Variants in COG6 observed in about 807,000 individuals in gnomAD.
COG6 encodes conserved oligomeric Golgi complex subunit 6.
COG6 carries 74 observed loss-of-function variants against 88.8 expected under a neutral mutation model. The observed-to-expected ratio is 0.83, with a 90% confidence interval of 0.69 to 1.01. The LOEUF is 1.01. COG6 is among the 50% of genes least tolerant of loss of function. The pLI is 0.00. For missense variants in COG6, 800 were observed against 797.9 expected (o/e 1.00, Z -0.03); for synonymous variants, 286 against 278.7 (o/e 1.03, Z -0.26).
rs1880683778 is a variant in COG6, at chr13:39,752,293, T to C, written c.*1200T>C. On this transcript the variant is annotated 3_prime_UTR_variant, in exon 19 of 19. Transcript: ENST00000455146. The stretch of plus-strand genomic sequence containing the variant: ...TAAAACTAGTATTTGTAGAAGATTA[T>C]GTGTTGTATATAACAAATTAGTATT... 2 of 863,246 alleles carry C rather than the reference T, an allele frequency of 2.3e-6. No homozygotes were observed. Among genetic ancestry groups the C allele is most frequent in the Non-Finnish European group, 3.1e-6 (2 of 640,414 alleles). The allele number at this position is 863,246 out of a possible 1,614,324, so 53.5% of individuals were successfully genotyped here.
At position 39,687,575 on chromosome 13, in the gene COG6, AG is replaced by A. The variant is rs1566179913; in HGVS notation, c.866del (p.Gly289AlafsTer17). ...GTGGATTTATTGATGCGCTCACAAG[AG>A]GGGGCCCCGGAGGTACACCTAGACC... ...VRGFIDALTR[G>X]GPGGTPRPIE... On this transcript the variant is annotated frameshift_variant, in exon 9 of 19. Coordinates refer to ENST00000455146, the MANE Select transcript of COG6 (RefSeq NM_020751.3). LOFTEE classifies it high-confidence loss of function. 5.0e-6 allele frequency: 8 copies of A among 1,613,832 alleles called. No individual in the cohort carries two copies. Among genetic ancestry groups the A allele is most frequent in the Non-Finnish European group, 6.8e-6 (8 of 1,179,978 alleles).
At chr13:39,701,417 A>G (rs1420778199) in intron 13 of COG6, among the ~76,000 whole-genome samples, 3 of 151,912 alleles carry the variant, frequency 2.0e-5, no homozygotes, top group Non-Finnish European at 4.4e-5. Context: ...AGTTGAATTC[A>G]TGGGTTTGGA....
intron 11 of COG6, among the ~76,000 whole-genome samples, chr13:39,692,657 C>T (rs549798938): frequency 3.9e-5 from 6 of 152,122 alleles, no homozygotes; most frequent in East Asian, 1.9e-4. Context: ...CTCTTGCTCT[C>T]GCTTTTGCTC....
In COG6 at chr13:39,655,708, G is replaced by GT; in HGVS notation, c.-19_-18insT. The stretch of plus-strand genomic sequence containing the variant: ...CCTGCCTGGCTGAGGTGGCAGCAGG[G>GT]GGCGGGACGCGCAGCGCTATGGCAG... On this transcript the variant is annotated 5_prime_UTR_variant, in exon 1 of 19. Coordinates refer to ENST00000455146, the MANE Select transcript of COG6 (RefSeq NM_020751.3). The GT allele has an allele frequency of 1.3e-6, 2 of 1,584,216 alleles. No individual in the cohort carries two copies. The highest frequency in any genetic ancestry group is 2.3e-5 in the East Asian group (1 of 43,098).
At chr13:39,696,586 GA>G (rs1298118124) in intron 12 of COG6, among the ~76,000 whole-genome samples, 1 of 151,716 alleles carries the variant, frequency 6.6e-6, no homozygotes, top group East Asian at 1.9e-4. Context: ...GGACTAGAAA[GA>G]AAACCAGGAA....
At chr13:39,719,911 T>C in intron 15 of COG6, 84 bp downstream of exon 15, 1 of 1,041,246 alleles carries the variant, frequency 9.6e-7, no homozygotes, top group Non-Finnish European at 1.5e-6. Flanking sequence ...CTTAACTAGT[T>C]TTAATGACCT....
Position 39,723,344 on chromosome 13 carries a change from T to C in COG6, c.1596T>C (p.His532=), listed in dbSNP as rs566376834. ...LEMLQFQIEA[H]LDTLINEQAS... Reference sequence around the variant, plus strand: ...GTGTTTTATTTTAGATCGAAGCACATTTGGACACACTTATAAATGAGCAAG... The same window carrying C: ...GTGTTTTATTTTAGATCGAAGCACACTTGGACACACTTATAAATGAGCAAG... The change falls in exon 16 of 19, where the codon CAT becomes CAC. Residue 532 remains histidine (H), a synonymous_variant. Transcript: ENST00000455146. The C allele has an allele frequency of 1.3e-5, 21 of 1,604,736 alleles. No homozygotes were observed. The highest frequency in any genetic ancestry group is 1.8e-5 in the Non-Finnish European group (21 of 1,171,858).
At chr13:39,744,469 CAG>C (rs769370444) in intron 18 of COG6, among the ~76,000 whole-genome samples, 2 of 152,104 alleles carry the variant, frequency 1.3e-5, no homozygotes, top group Non-Finnish European at 2.9e-5. Context: ...AACAGACAAA[CAG>C]AGAGCCAAAT....
intron 12 of COG6, among the ~76,000 whole-genome samples, chr13:39,694,950 TACACGCACACACACAC>T (rs1372727486): frequency 1.1e-5 from 1 of 89,698 alleles, no homozygotes; most frequent in Non-Finnish European, 2.3e-5. Flanking sequence ...CAAGCTTAAC[TACACGCACACACACAC>T]ACACACACAC....
chr13:39,693,348 C>T (rs2138019740), intron 11 of COG6, among the ~76,000 whole-genome samples: 1 of 151,780 alleles, frequency 6.6e-6, no homozygotes, highest in Non-Finnish European at 1.5e-5. Flanking sequence ...TTAAGGGAGT[C>T]AGAACTAAGA....
intron 12 of COG6, among the ~76,000 whole-genome samples, 170 bp from the exon 13 acceptor site, chr13:39,699,331 A>G (rs541224729): frequency 2.0e-5 from 3 of 151,820 alleles, no homozygotes; most frequent in Non-Finnish European, 4.4e-5. Context: ...CAAAAGAAAA[A>G]CAAAAATCCT....
At chr13:39,726,370 CAAAT>C (rs754927836) in intron 17 of COG6, among the ~76,000 whole-genome samples, 4 of 151,932 alleles carry the variant, frequency 2.6e-5, no homozygotes, top group Admixed American at 2.0e-4. Flanking sequence ...AGCTACTACA[CAAAT>C]AAATGAATGA....
At chr13:39,729,865 T>G (rs1278037941) in intron 18 of COG6, among the ~76,000 whole-genome samples, 3 of 152,200 alleles carry the variant, frequency 2.0e-5, no homozygotes, top group African/African-American at 2.4e-5. Flanking sequence ...TTTATTTTTC[T>G]TTCTTAGTCT....
chr13:39,751,066 G>C lies in COG6; in HGVS notation c.1947G>C (p.Pro649=). ...CAGAGAACATTCTTCACCGATCGCC[G>C]CAGCAAGTGCAGACGCTTCTTTCCT... ...KDPENILHRS[P]QQVQTLLS Residue 649 remains proline, a synonymous_variant, in exon 19 of 19, where the codon CCG becomes CCC. Coordinates refer to ENST00000455146, the MANE Select transcript of COG6 (RefSeq NM_020751.3). 6.2e-7 allele frequency: 1 copy of C among 1,613,564 alleles called. No individual in the cohort carries two copies. Among genetic ancestry groups the C allele is most frequent in the Non-Finnish European group, 8.5e-7 (1 of 1,179,726 alleles).
At chr13:39,723,678 A>G (rs1878975835) in intron 16 of COG6, among the ~76,000 whole-genome samples, 1 of 152,084 alleles carries the variant, frequency 6.6e-6, no homozygotes, top group African/African-American at 2.4e-5. Flanking sequence ...TTCCTAAAAT[A>G]TGGTAGAGTG....
At chr13:39,719,618 G>C (rs1451152707) in intron 14 of COG6, 42 bp from the exon 15 acceptor site, 9 of 1,559,680 alleles carry the variant, frequency 5.8e-6, no homozygotes, top group Non-Finnish European at 7.9e-6. Context: ...GACCCTATCA[G>C]TGATTGAGAA....
chr13:39,757,012 C>T (rs946983461), downstream of COG6, among the ~76,000 whole-genome samples: 1 of 152,148 alleles, frequency 6.6e-6, no homozygotes, highest in Non-Finnish European at 1.5e-5. Flanking sequence ...GTGGAACAAT[C>T]CACCCAACAA....
At chr13:39,688,844 GTGTTCTATTTT>G (rs1273764038) in intron 10 of COG6, among the ~76,000 whole-genome samples, 2 of 152,142 alleles carry the variant, frequency 1.3e-5, no homozygotes, top group African/African-American at 4.8e-5. Context: ...TGATTTTAAA[GTGTTCTATTTT>G]TGGTAGGAAG....
At chr13:39,665,179 CT>C in intron 4 of COG6, 25 bp downstream of exon 4, 5 of 1,281,892 alleles carry the variant, frequency 3.9e-6, no homozygotes, top group Non-Finnish European at 5.7e-6. Flanking sequence ...ATACAACCAC[CT>C]TTTCAATAAT....
Sources: gnomAD v4.1 joint callset for allele counts (sites outside exome capture counted in the v4.1 genomes callset) on GRCh38, gnomAD v4.1.1 for gene constraint, MANE v1.5 for transcripts, NCBI Gene and HGNC (gene_info 2026-07-23, HGNC 2026-07-21) for gene names.